Variants in DLGAP1 observed in about 807,000 individuals in gnomAD.
DLGAP1 encodes DLG associated protein 1, also known as disks large-associated protein 1.
A neutral mutation model predicts 90.8 loss-of-function variants in DLGAP1; 11 were observed. The observed-to-expected ratio is 0.12, with a 90% CI of 0.08 to 0.20. The LOEUF is 0.20. DLGAP1 is among the 10% of genes least tolerant of loss of function. The probability of loss-of-function intolerance (pLI) is 1.00; values close to 1 mark genes in which losing one functional copy is unlikely to be tolerated. For missense variants in DLGAP1, 1,050 were observed against 1,333.8 expected, an observed-to-expected ratio of 0.79 and a Z score of 3.31; for synonymous variants, 558 against 540.7, an observed-to-expected ratio of 1.03 and a Z score of -0.44.
chr18:3,553,839 T>C (rs1043507529), intron 9 of DLGAP1, among the ~76,000 whole-genome samples: 16 of 152,134 alleles, frequency 1.1e-4, no homozygotes, highest in African/African-American at 3.9e-4. Flanking sequence ...GGCCCACACA[T>C]AGTTTTTTAA....
intron 2 of DLGAP1, among the ~76,000 whole-genome samples, chr18:4,064,993 C>T (rs1378227945): frequency 1.3e-5 from 2 of 152,124 alleles, no homozygotes; most frequent in Non-Finnish European, 2.9e-5. Context: ...ATCAAGTAGG[C>T]TTCATCCCCA....
chr18:4,307,284 T>C (rs1393168020), intron 1 of DLGAP1, among the ~76,000 whole-genome samples: 1 of 152,112 alleles, frequency 6.6e-6, no homozygotes, highest in Non-Finnish European at 1.5e-5. Flanking sequence ...AGAAGGTTCT[T>C]TTCCCTTCTG....
chr18:4,088,556 C>G (rs1158149225), intron 2 of DLGAP1, among the ~76,000 whole-genome samples: 5 of 152,044 alleles, frequency 3.3e-5, no homozygotes, highest in African/African-American at 9.7e-5. Context: ...TGCCTTTAAC[C>G]ATTCTTGTAG....
intron 1 of DLGAP1, among the ~76,000 whole-genome samples, chr18:4,225,256 T>C (rs973292769): frequency 2.6e-5 from 4 of 152,130 alleles, no homozygotes; most frequent in Non-Finnish European, 5.9e-5. Flanking sequence ...AATGCAGTTA[T>C]GGTTGCAGTG....
chr18:4,410,315 T>C (rs894104284), intron 1 of DLGAP1, among the ~76,000 whole-genome samples: 2 of 152,042 alleles, frequency 1.3e-5, no homozygotes, highest in Non-Finnish European at 2.9e-5. Flanking sequence ...AATAAAAAAA[T>C]TGGTAGAAAA....
chr18:3,550,307 C>T (rs982423870), intron 9 of DLGAP1, among the ~76,000 whole-genome samples: 1 of 152,146 alleles, frequency 6.6e-6, no homozygotes, highest in South Asian at 2.1e-4. Flanking sequence ...CTCACTGCAG[C>T]CTCAACTTCC....
At position 4,109,172 on chromosome 18, in the gene DLGAP1, G is replaced by A. The variant is rs551234909; in HGVS notation, c.-159+42008C>T. Among the ~76,000 whole-genome samples the A allele has an allele frequency of 4.6e-5, 7 of 152,214 alleles. No homozygotes were observed. In the South Asian group the frequency reaches 1.0e-3, roughly 23 times the overall value. On this transcript the variant is annotated intron_variant, in intron 2 of 12. Transcript: ENST00000315677. ...CTGGTGCCATCCGCAACTGGCACTC[G>A]GGGTGTCCTTTGGGGAAGTGGTTGT...
intron 3 of DLGAP1, among the ~76,000 whole-genome samples, chr18:3,988,206 T>A (rs111976059): frequency 0.034 from 5,172 of 152,072 alleles, 203 homozygotes; most frequent in African/African-American, 0.097. Context: ...CTCAGGATAT[T>A]CCGCCTTGAC....
At chr18:4,297,106 A>G (rs2080001513) in intron 1 of DLGAP1, among the ~76,000 whole-genome samples, 1 of 152,228 alleles carries the variant, frequency 6.6e-6, no homozygotes, top group Admixed American at 6.5e-5. Context: ...AGTAGATGCT[A>G]TAGAAAATGG....
intron 2 of DLGAP1, among the ~76,000 whole-genome samples, chr18:4,126,405 C>T (rs745361880): frequency 6.6e-6 from 1 of 152,138 alleles, no homozygotes; most frequent in African/African-American, 2.4e-5. Flanking sequence ...CCATCTAGCC[C>T]GAATTAACCT....
chr18:3,857,435 T>A (rs2069719199), intron 4 of DLGAP1, among the ~76,000 whole-genome samples: 1 of 152,126 alleles, frequency 6.6e-6, no homozygotes. Context: ...TTATTGAAAA[T>A]AATAAACATT....
chr18:3,805,332 T>C (rs2066513124), intron 5 of DLGAP1, among the ~76,000 whole-genome samples: 1 of 152,224 alleles, frequency 6.6e-6, no homozygotes, highest in African/African-American at 2.4e-5. Flanking sequence ...TGTGACACTT[T>C]TGAATGTTAC....
intron 4 of DLGAP1, chr18:3,874,198 A>G: frequency 6.5e-7 from 1 of 1,550,166 alleles, no homozygotes; most frequent in Non-Finnish European, 8.7e-7. Flanking sequence ...CAAACTGAAG[A>G]AACCCACTCA....
chr18:4,201,907 C>T (rs1371652296), intron 1 of DLGAP1, among the ~76,000 whole-genome samples: 1 of 151,966 alleles, frequency 6.6e-6, no homozygotes, highest in Admixed American at 6.6e-5. Flanking sequence ...CTAAGGAAAA[C>T]AGTATAAAAG....
intron 1 of DLGAP1, among the ~76,000 whole-genome samples, chr18:4,336,653 C>T (rs1465102108): frequency 2.0e-5 from 3 of 152,144 alleles, no homozygotes; most frequent in African/African-American, 4.8e-5. Flanking sequence ...GGGTCAGTGG[C>T]TAATTCAAAG....
chr18:3,664,653 T>C (rs1335348528), intron 7 of DLGAP1, among the ~76,000 whole-genome samples: 1 of 152,172 alleles, frequency 6.6e-6, no homozygotes, highest in Non-Finnish European at 1.5e-5. Flanking sequence ...CCACAAGAAC[T>C]GTCTCTTTCT....
intron 1 of DLGAP1, among the ~76,000 whole-genome samples, chr18:4,179,317 G>C (rs1256126653): frequency 6.6e-6 from 1 of 152,132 alleles, no homozygotes; most frequent in East Asian, 1.9e-4. Context: ...ACCGGCAACT[G>C]TAACAGCTGT....
chr18:4,367,054 G>A (rs1266670677), intron 1 of DLGAP1, among the ~76,000 whole-genome samples: 7 of 138,012 alleles, frequency 5.1e-5, no homozygotes, highest in Non-Finnish European at 1.1e-4. Context: ...TTATCCTGCA[G>A]CTGCTGAATA....
chr18:3,602,542 C>T (rs2057111300), intron 7 of DLGAP1, among the ~76,000 whole-genome samples: 1 of 144,834 alleles, frequency 6.9e-6, no homozygotes, highest in South Asian at 2.2e-4. Flanking sequence ...TTGCAGGGAG[C>T]CGAGATCGCG....
Sources: gnomAD v4.1 joint callset for allele counts (sites outside exome capture counted in the v4.1 genomes callset) on GRCh38, gnomAD v4.1.1 for gene constraint, MANE v1.5 for transcripts, NCBI Gene and HGNC (gene_info 2026-07-23, HGNC 2026-07-21) for gene names.